PDE7B: variants seen among roughly 807,000 people sequenced by gnomAD.
PDE7B encodes 3',5'-cyclic-AMP phosphodiesterase 7B.
In PDE7B, 29 loss-of-function variants were observed where a neutral mutation model predicts 56.2. The ratio of observed to expected loss-of-function variants is 0.52; its 90% CI spans 0.38 to 0.70. The LOEUF (loss-of-function observed/expected upper bound fraction) is 0.70. Among genes scored for constraint, PDE7B ranks in the 30% least tolerant of loss-of-function variants. The probability of loss-of-function intolerance (pLI) is 0.00; values close to 1 mark genes in which losing one functional copy is unlikely to be tolerated. For missense variants in PDE7B, 490 were observed against 565.0 expected (o/e 0.87, Z 1.35); for synonymous variants, 197 against 196.9 (o/e 1.00, Z 0.00).
chr6:136,159,069 A>G (rs1778661055), intron 8 of PDE7B, among the ~76,000 whole-genome samples: 1 of 152,212 alleles, frequency 6.6e-6, no homozygotes. Flanking sequence ...ATAAACATTT[A>G]TTACACTCTA....
intron 2 of PDE7B, among the ~76,000 whole-genome samples, chr6:136,005,275 A>G (rs1269323192): frequency 6.6e-6 from 1 of 152,254 alleles, no homozygotes; most frequent in African/African-American, 2.4e-5. Flanking sequence ...AGGCATTACC[A>G]TTCAGGACAT....
chr6:136,058,175 C>A (rs1377917966), intron 2 of PDE7B, among the ~76,000 whole-genome samples: 20 of 152,082 alleles, frequency 1.3e-4, no homozygotes, highest in South Asian at 2.1e-4. Flanking sequence ...GGGGGGAACT[C>A]AAAAATCAGG....
intron 2 of PDE7B, among the ~76,000 whole-genome samples, chr6:136,060,425 TGTAA>T (rs1195868383): frequency 6.6e-6 from 1 of 152,212 alleles, no homozygotes; most frequent in Non-Finnish European, 1.5e-5. Flanking sequence ...ATGAGAAGTA[TGTAA>T]GTAAGAACCT....
chr6:136,063,663 C>T (rs1776883988), intron 2 of PDE7B, among the ~76,000 whole-genome samples: 1 of 152,202 alleles, frequency 6.6e-6, no homozygotes, highest in African/African-American at 2.4e-5. Context: ...ATAAGGCAGC[C>T]CCGCCCCTAC....
At chr6:136,138,842 C>A (rs1778261520) in intron 3 of PDE7B, among the ~76,000 whole-genome samples, 1 of 152,098 alleles carries the variant, frequency 6.6e-6, no homozygotes, top group Admixed American at 6.6e-5. Flanking sequence ...ATGACCAATT[C>A]ATTCAAAAAC....
intron 2 of PDE7B, chr6:136,037,544 C>T (rs1026240010): frequency 2.8e-5 from 28 of 985,302 alleles, no homozygotes; most frequent in Non-Finnish European, 3.4e-5. Flanking sequence ...GCAAGGTGCC[C>T]CCCAACCCCC....
intron 1 of PDE7B, among the ~76,000 whole-genome samples, chr6:135,935,193 T>TATATATATATATATATATATAA (rs1774397576): frequency 2.7e-5 from 2 of 73,726 alleles, no homozygotes; most frequent in African/African-American, 1.7e-4. Context: ...TATTTATTTA[T>TATATATATATATATATATATAA]ATATATATAT....
At chr6:135,869,968 T>C (rs1368110254) in intron 1 of PDE7B, among the ~76,000 whole-genome samples, 1 of 152,078 alleles carries the variant, frequency 6.6e-6, no homozygotes, top group Non-Finnish European at 1.5e-5. Flanking sequence ...GTGGTGGAAA[T>C]TGTACTCTTC....
intron 1 of PDE7B, among the ~76,000 whole-genome samples, chr6:135,865,731 A>C (rs553561459): frequency 6.6e-6 from 1 of 152,078 alleles, no homozygotes; most frequent in African/African-American, 2.4e-5. Flanking sequence ...TCTAGATAGG[A>C]TCTACATTTG....
intron 2 of PDE7B, among the ~76,000 whole-genome samples, chr6:135,999,077 T>A (rs1453951255): frequency 6.6e-6 from 1 of 152,122 alleles, no homozygotes; most frequent in African/African-American, 2.4e-5. Context: ...AGAGAAGAAA[T>A]GTCTCCTCAG....
intron 2 of PDE7B, among the ~76,000 whole-genome samples, chr6:135,969,741 G>A (rs572122585): frequency 2.0e-4 from 31 of 152,278 alleles, no homozygotes; most frequent in Non-Finnish European, 3.7e-4. Flanking sequence ...AACATCAAAA[G>A]CCAAAATTGA....
chr6:136,051,342 G>A (rs546444553), intron 2 of PDE7B, among the ~76,000 whole-genome samples: 7 of 152,262 alleles, frequency 4.6e-5, no homozygotes, highest in African/African-American at 1.7e-4. Context: ...TTCTTTTGAC[G>A]TCAGCAGTTT....
intron 1 of PDE7B, among the ~76,000 whole-genome samples, chr6:135,867,539 G>A (rs983245782): frequency 6.6e-6 from 1 of 152,086 alleles, no homozygotes; most frequent in Non-Finnish European, 1.5e-5. Context: ...CAAGTATTAA[G>A]CCTACTACCC....
intron 1 of PDE7B, among the ~76,000 whole-genome samples, chr6:135,856,672 G>A (rs1054706842): frequency 2.0e-5 from 3 of 152,144 alleles, no homozygotes; most frequent in African/African-American, 7.2e-5. Context: ...TGCTCTGAGT[G>A]AGAGTTTACA....
At chr6:135,968,745 A>G (rs1275517461) in intron 2 of PDE7B, among the ~76,000 whole-genome samples, 2 of 152,218 alleles carry the variant, frequency 1.3e-5, no homozygotes, top group East Asian at 3.8e-4. Context: ...TCAAAGACCT[A>G]GAACCAGAAA....
At chr6:136,172,065 CT>C (rs1209068179) in intron 8 of PDE7B, among the ~76,000 whole-genome samples, 1 of 151,992 alleles carries the variant, frequency 6.6e-6, no homozygotes, top group African/African-American at 2.4e-5. Flanking sequence ...GGTTCCAAGT[CT>C]TTGCTATTGT....
chr6:135,926,493 G>A (rs967441455), intron 1 of PDE7B, among the ~76,000 whole-genome samples: 8 of 152,102 alleles, frequency 5.3e-5, no homozygotes, highest in African/African-American at 1.7e-4. Context: ...GCGGGTGGGG[G>A]GGGCTTAGCA....
At chr6:136,183,690 T>A (rs758735535) in intron 11 of PDE7B, among the ~76,000 whole-genome samples, 1 of 152,082 alleles carries the variant, frequency 6.6e-6, no homozygotes, top group Non-Finnish European at 1.5e-5. Context: ...ATTTTTTTAA[T>A]TCTATAAGGA....
intron 2 of PDE7B, among the ~76,000 whole-genome samples, chr6:135,950,876 C>T (rs1372889653): frequency 1.3e-5 from 2 of 152,116 alleles, no homozygotes; most frequent in East Asian, 1.9e-4. Context: ...TGACTCATTC[C>T]GTTAAATGAG....
Sources: allele counts gnomAD v4.1 joint callset (sites outside exome capture counted in the v4.1 genomes callset), GRCh38; gene constraint gnomAD v4.1.1; transcripts MANE v1.5; gene names NCBI Gene and HGNC (gene_info 2026-07-23, HGNC 2026-07-21).